The following PTPRD variants were observed in gnomAD, a reference collection of about 807,000 sequenced individuals.
The protein encoded by PTPRD is receptor-type tyrosine-protein phosphatase delta.
A neutral mutation model predicts 214.5 loss-of-function variants in PTPRD; 34 were observed. That is an observed-to-expected ratio of 0.16 (90% confidence interval 0.12 to 0.21). The LOEUF is 0.21. Among genes scored for constraint, PTPRD ranks in the 10% least tolerant of loss-of-function variants. The pLI is 1.00. For missense variants in PTPRD, 2,545 were observed against 2,398.7 expected (o/e 1.06, Z -1.27); for synonymous variants, 1,128 against 845.7 (o/e 1.33, Z -5.79).
chr9:10,223,652 A>G (rs1382251849), intron 3 of PTPRD, among the ~76,000 whole-genome samples: 1 of 146,694 alleles, frequency 6.8e-6, no homozygotes, highest in African/African-American at 2.5e-5. Flanking sequence ...CTTGGGTGAC[A>G]GAATGAGATT....
intron 10 of PTPRD, among the ~76,000 whole-genome samples, chr9:9,118,911 ACAC>A (rs1278079282): frequency 6.6e-6 from 1 of 152,320 alleles, no homozygotes; most frequent in South Asian, 2.1e-4. Context: ...ACATGAAATC[ACAC>A]CACATTTTAC....
intron 8 of PTPRD, among the ~76,000 whole-genome samples, chr9:9,405,845 T>A (rs895386389): frequency 6.6e-6 from 1 of 152,014 alleles, no homozygotes; most frequent in Non-Finnish European, 1.5e-5. Flanking sequence ...GGAATGTGTA[T>A]TGATGTTTGT....
intron 3 of PTPRD, among the ~76,000 whole-genome samples, chr9:10,049,888 G>C (rs1201697069): frequency 6.6e-6 from 1 of 152,148 alleles, no homozygotes; most frequent in Non-Finnish European, 1.5e-5. Flanking sequence ...AGTTAGTCAA[G>C]TTTCATTGTA....
chr9:8,915,755 G>A (rs917613605), intron 11 of PTPRD, among the ~76,000 whole-genome samples: 1 of 152,154 alleles, frequency 6.6e-6, no homozygotes, highest in Non-Finnish European at 1.5e-5. Flanking sequence ...TCTTAGTTGA[G>A]AAAGGGTCTA....
chr9:8,660,997 G>C (rs1206251504), intron 12 of PTPRD, among the ~76,000 whole-genome samples: 3 of 151,938 alleles, frequency 2.0e-5, no homozygotes, highest in Admixed American at 6.6e-5. Flanking sequence ...CACTCACTCT[G>C]GCTATGAAAG....
intron 8 of PTPRD, among the ~76,000 whole-genome samples, chr9:9,494,026 A>T (rs2096055966): frequency 6.6e-6 from 1 of 152,114 alleles, no homozygotes; most frequent in Non-Finnish European, 1.5e-5. Context: ...ATGAATGGCT[A>T]TGAGGGGATG....
Position 9,049,164 on chromosome 9 carries a change from T to G in PTPRD, c.-142-30429A>C, listed in dbSNP as rs183281456. On this transcript the variant is annotated intron_variant, in intron 10 of 45. Coordinates refer to ENST00000381196, the MANE Select transcript of PTPRD (RefSeq NM_002839.4). ...TGTAAAACCTAAGGTCTAGCAGACC[T>G]TCTCAAGGAACATTCTACTGAAGAG... is the stretch of plus-strand genomic sequence containing the variant. Among the ~76,000 whole-genome samples, 18 of 152,288 alleles carry G rather than the reference T, an allele frequency of 1.2e-4. No homozygotes were observed. In the East Asian group the frequency reaches 2.9e-3, roughly 25 times the overall value.
chr9:9,443,475 T>G (rs2089104713), intron 8 of PTPRD, among the ~76,000 whole-genome samples: 1 of 152,212 alleles, frequency 6.6e-6, no homozygotes, highest in African/African-American at 2.4e-5. Context: ...TGTAATGGTT[T>G]AGGCCAACAG....
rs1198778745 is a variant in PTPRD, at chr9:9,449,786, T to C, written c.-236-52304A>G. ...GGGGTACAAGTGGTTTCTGATTACA[T>C]GGATAAGCTCTTTAGTGGTGATTTC... is the stretch of plus-strand genomic sequence containing the variant. On this transcript the variant is annotated intron_variant, in intron 8 of 45. Coordinates refer to ENST00000381196, the MANE Select transcript of PTPRD (RefSeq NM_002839.4). 2.0e-5 allele frequency among the ~76,000 whole-genome samples: 3 copies of C among 152,074 alleles called. No individual in the cohort carries two copies. The East Asian group carries it at 5.8e-4, about 30-fold the overall frequency.
chr9:8,524,554 G>T (rs1309433961), intron 18 of PTPRD, among the ~76,000 whole-genome samples: 1 of 151,814 alleles, frequency 6.6e-6, no homozygotes, highest in African/African-American at 2.4e-5. Flanking sequence ...AGCACACCAA[G>T]CAATTATTTC....
intron 2 of PTPRD, among the ~76,000 whole-genome samples, chr9:10,523,915 A>G (rs1160454508): frequency 2.6e-5 from 4 of 151,922 alleles, no homozygotes; most frequent in Non-Finnish European, 5.9e-5. Flanking sequence ...GCTGCCATAA[A>G]AAAAGGTCAC....
At chr9:9,496,083 C>A (rs984397720) in intron 8 of PTPRD, among the ~76,000 whole-genome samples, 21 of 152,140 alleles carry the variant, frequency 1.4e-4, no homozygotes, top group African/African-American at 4.1e-4. Context: ...AAACAGGGTG[C>A]CCTTGCTGTG....
At chr9:9,934,902 G>C (rs998219722) in intron 5 of PTPRD, among the ~76,000 whole-genome samples, 7 of 152,042 alleles carry the variant, frequency 4.6e-5, no homozygotes, top group African/African-American at 1.7e-4. Flanking sequence ...TTCATCCCTG[G>C]GATGCAAGGC....
chr9:9,902,604 T>A (rs1418942726), intron 5 of PTPRD, among the ~76,000 whole-genome samples: 1 of 152,182 alleles, frequency 6.6e-6, no homozygotes, highest in East Asian at 1.9e-4. Flanking sequence ...CACTTCAACT[T>A]TGCTCACCTG....
At chr9:8,767,002 G>A (rs2094806577) in intron 11 of PTPRD, among the ~76,000 whole-genome samples, 1 of 152,126 alleles carries the variant, frequency 6.6e-6, no homozygotes, top group African/African-American at 2.4e-5. Context: ...ACTCTGGTAT[G>A]CTATATTTCT....
intron 35 of PTPRD, among the ~76,000 whole-genome samples, chr9:8,415,419 C>T (rs991137789): frequency 6.6e-6 from 1 of 152,136 alleles, no homozygotes; most frequent in Non-Finnish European, 1.5e-5. Flanking sequence ...ACTAATTTTA[C>T]AAACTGATAA....
At chr9:9,305,538 T>C (rs972959094) in intron 9 of PTPRD, among the ~76,000 whole-genome samples, 8 of 152,142 alleles carry the variant, frequency 5.3e-5, no homozygotes, top group South Asian at 4.1e-4. Context: ...CCATGCCATA[T>C]ATTGGATTCA....
rs527803458 is a variant in PTPRD, at chr9:8,451,971, A to T, written c.3876-2134T>A. On this transcript the variant is annotated intron_variant, in intron 33 of 45. Coordinates refer to ENST00000381196, the MANE Select transcript of PTPRD (RefSeq NM_002839.4). ...TGAGTGACACTGAGCTGGAGGGTAGAAAAGAAAACTCTCTAAAGTAATTTA... is the reference window on the plus strand; with the variant it reads ...TGAGTGACACTGAGCTGGAGGGTAGTAAAGAAAACTCTCTAAAGTAATTTA... 8.4e-4 allele frequency: 344 copies of T among 408,850 alleles called. 5 individuals are homozygous for T. The highest frequency in any genetic ancestry group is 6.2e-3 in the South Asian group (330 of 52,912). The allele number at this position is 408,850 out of a possible 1,614,324, so 25.3% of individuals were successfully genotyped here. A position where few individuals can be genotyped will look rare whatever the true frequency, so the allele number is the denominator to read the frequency against.
chr9:9,697,218 C>T (rs1234116269), intron 7 of PTPRD, among the ~76,000 whole-genome samples: 1 of 152,010 alleles, frequency 6.6e-6, no homozygotes. Context: ...TTGCAAATCA[C>T]AATTACAGTG....
Sources: allele counts gnomAD v4.1 joint callset (sites outside exome capture counted in the v4.1 genomes callset), GRCh38; gene constraint gnomAD v4.1.1; transcripts MANE v1.5; gene names NCBI Gene and HGNC (gene_info 2026-07-23, HGNC 2026-07-21).